DAB1: variants seen among roughly 807,000 people sequenced by gnomAD.
DAB1 encodes the protein disabled homolog 1.
DAB1 carries 15 observed loss-of-function variants against 64.6 expected under a neutral mutation model. That is an observed-to-expected ratio of 0.23 (90% CI 0.16 to 0.36). DAB1 has a LOEUF of 0.36. Among genes scored for constraint, DAB1 ranks in the 10% least tolerant of loss-of-function variants. The probability of loss-of-function intolerance (pLI) is 1.00; values close to 1 mark genes in which losing one functional copy is unlikely to be tolerated. For synonymous variants in DAB1, 235 were observed against 251.9 expected, an observed-to-expected ratio of 0.93 and a Z score of 0.64; for missense variants, 596 against 706.7, an observed-to-expected ratio of 0.84 and a Z score of 1.78.
chr1:57,361,095 G>A (rs557689145), intron 1 of DAB1, among the ~76,000 whole-genome samples: 180 of 152,044 alleles, frequency 1.2e-3, no homozygotes, highest in African/African-American at 4.1e-3. Context: ...ACTGAGAAAT[G>A]GCATCCCTCC....
intron 6 of DAB1, among the ~76,000 whole-genome samples, chr1:57,666,053 A>T (rs1006264174): frequency 2.0e-5 from 3 of 152,144 alleles, no homozygotes; most frequent in Admixed American, 6.6e-5. Flanking sequence ...CTAAAGGAAT[A>T]TTTGCCCATT....
At chr1:57,530,320 A>T (rs1324723942) in intron 7 of DAB1, among the ~76,000 whole-genome samples, 2 of 152,140 alleles carry the variant, frequency 1.3e-5, no homozygotes, top group African/African-American at 4.8e-5. Flanking sequence ...TACTCTTACT[A>T]TGTGCAGTAT....
intron 1 of DAB1, among the ~76,000 whole-genome samples, chr1:58,532,321 T>G (rs999228629): frequency 1.3e-5 from 2 of 152,170 alleles, no homozygotes; most frequent in African/African-American, 4.8e-5. Context: ...GTTCTTGCAC[T>G]GATAGAGATG....
chr1:58,125,779 C>T (rs961418917), intron 5 of DAB1, among the ~76,000 whole-genome samples: 3 of 152,116 alleles, frequency 2.0e-5, no homozygotes, highest in African/African-American at 7.2e-5. Flanking sequence ...CATTTAAATG[C>T]ATTCTCTTCT....
chr1:57,922,170 C>T (rs1159872722), intron 5 of DAB1, among the ~76,000 whole-genome samples: 1 of 152,118 alleles, frequency 6.6e-6, no homozygotes, highest in Non-Finnish European at 1.5e-5. Context: ...GTCATTTTAT[C>T]TCCCATCATT....
At chr1:58,224,871 T>C (rs569538531) in intron 4 of DAB1, among the ~76,000 whole-genome samples, 8 of 152,186 alleles carry the variant, frequency 5.3e-5, no homozygotes, top group South Asian at 2.1e-4. Flanking sequence ...GAAGAAAACC[T>C]AGGCAATACC....
intron 2 of DAB1, among the ~76,000 whole-genome samples, chr1:57,199,200 T>C (rs1423680540): frequency 6.6e-6 from 1 of 152,212 alleles, no homozygotes; most frequent in Non-Finnish European, 1.5e-5. Context: ...ACTTGGAAAT[T>C]GAATTAAAAG....
chr1:57,486,332 A>G (rs1644091287), intron 7 of DAB1, among the ~76,000 whole-genome samples: 1 of 152,190 alleles, frequency 6.6e-6, no homozygotes, highest in African/African-American at 2.4e-5. Context: ...TCTAGGATTT[A>G]CTATTAAATT....
intron 6 of DAB1, among the ~76,000 whole-genome samples, chr1:57,760,105 A>C (rs1317248057): frequency 6.6e-6 from 1 of 152,146 alleles, no homozygotes; most frequent in Non-Finnish European, 1.5e-5. Context: ...GAATGATTGC[A>C]CTGTCCACTG....
chr1:57,208,908 G>A (rs564935410), intron 2 of DAB1, among the ~76,000 whole-genome samples: 17 of 152,318 alleles, frequency 1.1e-4, no homozygotes, highest in Admixed American at 5.9e-4. Context: ...CAGACAGTGC[G>A]TTCAGGCCAA....
chr1:58,098,799 C>G (rs541164763), intron 5 of DAB1, among the ~76,000 whole-genome samples: 15 of 152,160 alleles, frequency 9.9e-5, no homozygotes, highest in African/African-American at 2.9e-4. Flanking sequence ...GAAGGAGAGG[C>G]CTTAGAAGAA....
intron 7 of DAB1, among the ~76,000 whole-genome samples, chr1:57,645,344 C>T (rs1646179744): frequency 6.6e-6 from 1 of 152,154 alleles, no homozygotes; most frequent in Non-Finnish European, 1.5e-5. Context: ...ACCTAGCAGG[C>T]CTTCTGACTG....
At chr1:57,985,154 C>T (rs967467191) in intron 5 of DAB1, among the ~76,000 whole-genome samples, 4 of 152,154 alleles carry the variant, frequency 2.6e-5, no homozygotes, top group African/African-American at 4.8e-5. Flanking sequence ...GTAATCCACC[C>T]GCCTTGGCCT....
At chr1:58,484,449 G>A in intron 3 of DAB1, among the ~76,000 whole-genome samples, 1 of 152,098 alleles carries the variant, frequency 6.6e-6, no homozygotes, top group Non-Finnish European at 1.5e-5. Context: ...CAGTAATACA[G>A]GCATACTTGA....
chr1:57,646,169 T>TACAA, intron 7 of DAB1, among the ~76,000 whole-genome samples: 1 of 152,208 alleles, frequency 6.6e-6, no homozygotes, highest in African/African-American at 2.4e-5. Context: ...ATTAAAACAA[T>TACAA]ACAATAAATG....
At chr1:58,268,214 A>C (rs1661222692) in intron 4 of DAB1, among the ~76,000 whole-genome samples, 1 of 152,202 alleles carries the variant, frequency 6.6e-6, no homozygotes, top group Non-Finnish European at 1.5e-5. Flanking sequence ...TTTAAATCAT[A>C]AGGGATTTAA....
intron 6 of DAB1, among the ~76,000 whole-genome samples, chr1:57,654,302 G>GA (rs1262001452): frequency 3.9e-5 from 6 of 152,206 alleles, no homozygotes; most frequent in Admixed American, 3.9e-4. Flanking sequence ...GCAGAAAAGG[G>GA]AAAAAAAGAG....
At chr1:57,958,760 C>T (rs1031766955) in intron 5 of DAB1, among the ~76,000 whole-genome samples, 1 of 152,202 alleles carries the variant, frequency 6.6e-6, no homozygotes, top group Admixed American at 6.5e-5. Context: ...GGCCTCCCTC[C>T]TTGGCTTGTA....
chr1:58,206,081 G>A (rs75289262), intron 4 of DAB1, among the ~76,000 whole-genome samples: 2 of 152,002 alleles, frequency 1.3e-5, no homozygotes, highest in Admixed American at 6.6e-5. Flanking sequence ...AGTTAAGGAC[G>A]TGCGCCCATG....
Sources: gnomAD v4.1 joint callset for allele counts (sites outside exome capture counted in the v4.1 genomes callset) on GRCh38, gnomAD v4.1.1 for gene constraint, MANE v1.5 for transcripts, NCBI Gene and HGNC (gene_info 2026-07-23, HGNC 2026-07-21) for gene names.